Variants in SUPT5H observed in about 807,000 individuals in gnomAD.
The protein encoded by SUPT5H is transcription elongation factor SPT5.
Under a neutral mutation model 142.5 loss-of-function variants are expected in SUPT5H, and 24 were observed. That is an observed-to-expected ratio of 0.17 (90% confidence interval 0.12 to 0.24). The LOEUF (loss-of-function observed/expected upper bound fraction) is 0.24. Among genes scored for constraint, SUPT5H ranks in the 10% least tolerant of loss-of-function variants. SUPT5H has a pLI of 1.00. For missense variants in SUPT5H, 893 were observed against 1,471.8 expected, an observed-to-expected ratio of 0.61 and a Z score of 6.43; for synonymous variants, 546 against 553.0, an observed-to-expected ratio of 0.99 and a Z score of 0.18.
intron 3 of SUPT5H, among the ~76,000 whole-genome samples, chr19:39,455,006 G>A (rs1474375120): frequency 1.3e-5 from 2 of 152,184 alleles, no homozygotes; most frequent in Non-Finnish European, 2.9e-5. Flanking sequence ...TAACATGCAG[G>A]AACCCTTTGA....
Position 39,474,381 on chromosome 19 carries a change from A to G in SUPT5H, c.2799A>G (p.Thr933=), listed in dbSNP as rs1281977317. The change falls in exon 27 of 30, where the codon ACA becomes ACG. Residue 933 remains threonine (T), a synonymous_variant. Coordinates refer to ENST00000432763, the MANE Select transcript of SUPT5H (RefSeq NM_001111020.3). The surrounding 1 kb of genome is among the most constrained non-coding windows in gnomAD (Gnocchi z 6.5). ...ACTCCCCAGCCAGCTACCACCCTAC[A>G]CCGTCGCCCATGGCCTATCAGGTAA... ...NTHSPASYHP[T]PSPMAYQASP... 17 of 1,613,542 alleles carry G rather than the reference A, an allele frequency of 1.1e-5. No individual in the cohort carries two copies. The highest frequency in any genetic ancestry group is 1.4e-5 in the Non-Finnish European group (17 of 1,179,882).
At position 39,453,522 on chromosome 19, in the gene SUPT5H, G is replaced by T. The variant is rs1232568680; in HGVS notation, c.241+1G>T. Reference sequence around the variant, plus strand: ...GGAGGCTTCATTCTGGACGAGGCTGGTATGTCATAGTGCTTGGCCAGTGCC... The same window carrying T: ...GGAGGCTTCATTCTGGACGAGGCTGTTATGTCATAGTGCTTGGCCAGTGCC... On this transcript the variant is annotated splice_donor_variant, in intron 3 of 29. Coordinates refer to ENST00000432763, the MANE Select transcript of SUPT5H (RefSeq NM_001111020.3). LOFTEE classifies it high-confidence loss of function. 1 of 1,539,176 alleles carries T rather than the reference G, an allele frequency of 6.5e-7. No homozygotes were observed. The highest frequency in any genetic ancestry group is 8.8e-7 in the Non-Finnish European group (1 of 1,140,524).
At chr19:39,459,655 A>G (rs1157845645) in intron 9 of SUPT5H, 66 bp downstream of exon 9, 52 of 1,598,912 alleles carry the variant, frequency 3.3e-5, no homozygotes, top group Non-Finnish European at 4.3e-5. Context: ...TGTGGGGGAG[A>G]AGTGTCTGTC....
Position 39,470,130 on chromosome 19 carries a change from G to A in SUPT5H, c.1386G>A (p.Glu462=), listed in dbSNP as rs756566575. 1.2e-6 allele frequency: 2 copies of A among 1,613,098 alleles called. No homozygotes were observed. Among genetic ancestry groups the A allele is most frequent in the South Asian group, 2.2e-5 (2 of 90,926 alleles). The change falls in exon 17 of 30, where the codon GAG becomes GAA. Residue 462 remains glutamate (E), a synonymous_variant. Coordinates refer to ENST00000432763, the MANE Select transcript of SUPT5H (RefSeq NM_001111020.3). This position sits in a 1 kb window ranked among gnomAD's most constrained non-coding sequence, Gnocchi z 5.8. ...ACCCAATCCCCCAGGACATGTTGGA[G>A]TTCCCAGCCCAGGAACTTAGAAAAT... The part of the protein sequence containing the change: ...PKHEDLKDML[E]FPAQELRKYF...
intron 28 of SUPT5H, chr19:39,475,150 TG>T (rs1380760127): frequency 3.8e-5 from 6 of 158,638 alleles, no homozygotes; most frequent in Non-Finnish European, 5.0e-5. Context: ...GAGGCCGAGG[TG>T]GGCAGATCAC....
intron 3 of SUPT5H, among the ~76,000 whole-genome samples, chr19:39,454,774 G>A (rs539665199): frequency 3.3e-5 from 5 of 152,308 alleles, no homozygotes; most frequent in South Asian, 2.1e-4. Context: ...GGGTTACTTA[G>A]AACACATCCT....
At position 39,474,549 on chromosome 19, in the gene SUPT5H, C is replaced by G. The variant is rs2079374524; in HGVS notation, c.2855C>G (p.Pro952Arg). 6.2e-7 allele frequency: 1 copy of G among 1,614,118 alleles called. No individual in the cohort carries two copies. The highest frequency in any genetic ancestry group is 1.7e-5 in the Admixed American group (1 of 60,014). The change falls in exon 28 of 30, where the codon CCT becomes CGT. Residue 952 changes from proline to arginine, a missense_variant. Pro to Arg is a moderately radical substitution (Grantham distance 103). This residue lies in a region of SUPT5H where 336 missense variants were observed against 546.5 expected (regional missense o/e 0.61). Coordinates refer to ENST00000432763, the MANE Select transcript of SUPT5H (RefSeq NM_001111020.3). The surrounding 1 kb of genome is among the most constrained non-coding windows in gnomAD (Gnocchi z 6.5). ...SPSPSPVGYS[P>R]MTPGAPSPGG... is the part of the protein sequence containing the mutation. ...AGCCCGAGCCCCGTTGGCTACAGTC[C>G]TATGACACCTGGAGCTCCCTCCCCT...
In SUPT5H at chr19:39,466,549, A is replaced by G. The variant is rs1430717886; in HGVS notation, c.946A>G (p.Ile316Val). The change falls in exon 12 of 30, where the codon ATC becomes GTC. Residue 316 changes from isoleucine to valine, a missense_variant. Ile to Val is a conservative substitution (Grantham distance 29, BLOSUM62 3). Coordinates refer to ENST00000432763, the MANE Select transcript of SUPT5H (RefSeq NM_001111020.3). The surrounding 1 kb of genome is among the most constrained non-coding windows in gnomAD (Gnocchi z 4.3). The stretch of plus-strand genomic sequence containing the variant: ...GATCCCACGCATCGACTACGATCGC[A>G]TCAAGGCCCGCATGAGCTTGGTACT... ...KMIPRIDYDR[I>V]KARMSLKDWF... 3 of 1,614,132 alleles carry G rather than the reference A, an allele frequency of 1.9e-6. No individual in the cohort carries two copies. The highest frequency in any genetic ancestry group is 2.5e-6 in the Non-Finnish European group (3 of 1,180,014).
chr19:39,475,205 C>A (rs1188561582), intron 28 of SUPT5H: 1 of 127,674 alleles, frequency 7.8e-6, no homozygotes, highest in East Asian at 2.2e-4. Flanking sequence ...CGTGGTGAAA[C>A]CCTGTCTCTA....
At position 39,470,346 on chromosome 19, in the gene SUPT5H, T is replaced by C; in HGVS notation, c.1531-31T>C. The C allele has an allele frequency of 6.5e-7, 1 of 1,549,456 alleles. No individual in the cohort carries two copies. The highest frequency in any genetic ancestry group is 8.8e-7 in the Non-Finnish European group (1 of 1,142,672). ...ACCCAGGTAGGCGAGCCACCTGGAC[T>C]GGGCCTCACCCCTTTCACCATCCCT... On this transcript the variant is annotated intron_variant, in intron 17 of 29. Coordinates refer to ENST00000432763, the MANE Select transcript of SUPT5H (RefSeq NM_001111020.3). This position sits in a 1 kb window ranked among gnomAD's most constrained non-coding sequence, Gnocchi z 5.8.
In SUPT5H at chr19:39,458,243, AC is replaced by A; in HGVS notation, c.308-49del. On this transcript the variant is annotated intron_variant, in intron 4 of 29. Coordinates refer to ENST00000432763, the MANE Select transcript of SUPT5H (RefSeq NM_001111020.3). This position sits in a 1 kb window ranked among gnomAD's most constrained non-coding sequence, Gnocchi z 4.2. ...TTGTCTGCCCTCGCCCACCACCACC[AC>A]CACCACCACCACCACCACCACCACC... 1.3e-6 allele frequency: 1 copy of A among 778,076 alleles called. No individual in the cohort carries two copies. The highest frequency in any genetic ancestry group is 2.0e-6 in the Non-Finnish European group (1 of 497,646). The allele number at this position is 778,076 out of a possible 1,614,324, so 48.2% of individuals were successfully genotyped here. A position where few individuals can be genotyped will look rare whatever the true frequency, so the allele number is the denominator to read the frequency against.
In SUPT5H at chr19:39,457,992, T is replaced by C. The variant is rs894428558; in HGVS notation, c.307+252T>C. On this transcript the variant is annotated intron_variant, in intron 4 of 29. Transcript: ENST00000432763. ...GGGATCCCAGGGCCCAGTGAATCCC[T>C]TCTGGGGTTGTAGGGTGGGCGAGCT... is the stretch of plus-strand genomic sequence containing the variant. 6.3e-6 allele frequency: 5 copies of C among 788,260 alleles called. No individual in the cohort carries two copies. In the South Asian group the frequency reaches 7.9e-5, roughly 13 times the overall value. The allele number at this position is 788,260 out of a possible 1,614,324, so 48.8% of individuals were successfully genotyped here.
At chr19:39,467,247 G>C (rs1331683220) in intron 13 of SUPT5H, among the ~76,000 whole-genome samples, 1 of 152,014 alleles carries the variant, frequency 6.6e-6, no homozygotes, top group Admixed American at 6.6e-5. Flanking sequence ...GCCAAGGGTT[G>C]TGGTCAGCTC....
chr19:39,457,903 T>A, intron 4 of SUPT5H, 163 bp downstream of exon 4: 4 of 1,175,240 alleles, frequency 3.4e-6, no homozygotes, highest in Non-Finnish European at 4.8e-6. Flanking sequence ...CCCTGCTTTT[T>A]CCTTTTAGGC....
chr19:39,465,056 G>C lies in SUPT5H; in HGVS notation c.876+7G>C. On this transcript the variant is annotated splice_region_variant and intron_variant, in intron 11 of 29. Transcript: ENST00000432763. The stretch of plus-strand genomic sequence containing the variant: ...CAAGGATGACATTGCTCAGGTGCCC[G>C]GGGCGGGGTGGCATGGGGGTCAGGG... The C allele has an allele frequency of 3.1e-6, 5 of 1,607,882 alleles. No individual in the cohort carries two copies. The highest frequency in any genetic ancestry group is 4.3e-6 in the Non-Finnish European group (5 of 1,175,364).
intron 13 of SUPT5H, chr19:39,467,170 G>A (rs2079251963): frequency 6.5e-6 from 1 of 154,476 alleles, no homozygotes; most frequent in Non-Finnish European, 1.4e-5. Flanking sequence ...ATCACTTGAG[G>A]TCAGGAGTTC....
Position 39,472,005 on chromosome 19 carries a change from C to T in SUPT5H, c.1950+275C>T. On this transcript the variant is annotated intron_variant, in intron 20 of 29. Transcript: ENST00000432763. The surrounding 1 kb of genome is among the most constrained non-coding windows in gnomAD (Gnocchi z 4.2). The stretch of plus-strand genomic sequence containing the variant: ...ACAAGACAAAAATACTCTGCTCTCA[C>T]AGAGCTGATACTCTAGAGGTGGACA... 1.9e-6 allele frequency: 1 copy of T among 520,338 alleles called. No homozygotes were observed. Among genetic ancestry groups the T allele is most frequent in the East Asian group, 3.4e-5 (1 of 29,722 alleles). The allele number at this position is 520,338 out of a possible 1,614,324, so 32.2% of individuals were successfully genotyped here.
intron 13 of SUPT5H, 125 bp from the exon 14 acceptor site, chr19:39,468,631 C>T: frequency 6.4e-6 from 5 of 776,168 alleles, no homozygotes. Flanking sequence ...AGGGTGTGTG[C>T]TGGGATGGGA....
In SUPT5H at chr19:39,469,142, A is replaced by C. The variant is rs778353265; in HGVS notation, c.1207A>C (p.Ile403Leu). The change falls in exon 15 of 30, where the codon ATT becomes CTT. Residue 403 changes from isoleucine (I) to leucine (L), a missense_variant. Physicochemically the swap from Ile to Leu is conservative, Grantham distance 5. Transcript: ENST00000432763. The surrounding 1 kb of genome is among the most constrained non-coding windows in gnomAD (Gnocchi z 5.1). ...AAAGTTTGAGGACCAGCCAGAGGGC[A>C]TTGACCTGGAGGTGGTGACTGAGAG... is the stretch of plus-strand genomic sequence containing the variant. ...LEKFEDQPEGIDLEVVTESTG... is the reference protein window; with the variant it reads ...LEKFEDQPEGLDLEVVTESTG... 1.9e-6 allele frequency: 3 copies of C among 1,614,082 alleles called. No homozygotes were observed. The highest frequency in any genetic ancestry group is 3.3e-5 in the Admixed American group (2 of 60,008).
Sources: allele counts gnomAD v4.1 joint callset (sites outside exome capture counted in the v4.1 genomes callset), GRCh38; gene constraint gnomAD v4.1.1; regional missense constraint gnomAD v4.1.1; non-coding constraint Gnocchi (gnomAD v3.1); transcripts MANE v1.5; gene names NCBI Gene and HGNC (gene_info 2026-07-23, HGNC 2026-07-21).